The following ITGB8 variants were observed in gnomAD, a reference collection of about 807,000 sequenced individuals.
ITGB8 encodes the protein integrin beta-8.
A neutral mutation model predicts 89.5 loss-of-function variants in ITGB8; 30 were observed. The observed-to-expected ratio is 0.34, with a 90% CI of 0.25 to 0.45. The LOEUF is 0.45. Among genes scored for constraint, ITGB8 ranks in the 20% least tolerant of loss-of-function variants. The probability of loss-of-function intolerance (pLI) is 1.00; values close to 1 mark genes in which losing one functional copy is unlikely to be tolerated. For missense variants in ITGB8, 836 were observed against 933.3 expected, an observed-to-expected ratio of 0.90 and a Z score of 1.36; for synonymous variants, 335 against 320.4, an observed-to-expected ratio of 1.05 and a Z score of -0.49.
At chr7:20,384,885 A>G (rs1786541920) in intron 6 of ITGB8, among the ~76,000 whole-genome samples, 1 of 152,184 alleles carries the variant, frequency 6.6e-6, no homozygotes, top group Non-Finnish European at 1.5e-5. Flanking sequence ...ACACTATTGA[A>G]TAAATTACAT....
chr7:20,403,840 C>T (rs1198625658), intron 10 of ITGB8, among the ~76,000 whole-genome samples: 1 of 152,010 alleles, frequency 6.6e-6, no homozygotes, highest in Non-Finnish European at 1.5e-5. Flanking sequence ...TTCAGAATTC[C>T]TATATCATCA....
chr7:20,378,179 C>A (rs973399550), intron 3 of ITGB8, among the ~76,000 whole-genome samples: 4 of 152,174 alleles, frequency 2.6e-5, no homozygotes, highest in Non-Finnish European at 4.4e-5. Flanking sequence ...AACCCAAGTC[C>A]TTGTATCAAA....
At chr7:20,364,682 T>G (rs1236126875) in intron 2 of ITGB8, 2 of 152,210 alleles carry the variant, frequency 1.3e-5, no homozygotes, top group Non-Finnish European at 2.9e-5. Flanking sequence ...TCAGAACCCG[T>G]GAAGCCAGGC....
At chr7:20,386,430 TG>T (rs1786626998) in intron 6 of ITGB8, among the ~76,000 whole-genome samples, 2 of 145,174 alleles carry the variant, frequency 1.4e-5, no homozygotes, top group African/African-American at 5.2e-5. Context: ...TTTTTTTTTT[TG>T]GATTTTTTAG....
chr7:20,398,145 A>G (rs1366498339), intron 8 of ITGB8, among the ~76,000 whole-genome samples: 2 of 152,192 alleles, frequency 1.3e-5, no homozygotes, highest in Non-Finnish European at 2.9e-5. Context: ...TATTTATTGA[A>G]TGAGTGTATA....
intron 3 of ITGB8, among the ~76,000 whole-genome samples, chr7:20,378,297 G>T (rs1347049232): frequency 6.6e-6 from 1 of 152,114 alleles, no homozygotes; most frequent in Non-Finnish European, 1.5e-5. Context: ...GCCCAAGGTG[G>T]GTGCCTCGCT....
Position 20,373,506 on chromosome 7 carries a change from T to G in ITGB8, c.389-5545T>G, listed in dbSNP as rs564077746. ...TCAAACTTGGTTCGTTTTAATAATG[T>G]GCAAAAAGAATCTTCTAATTTAGTG... is the stretch of plus-strand genomic sequence containing the variant. On this transcript the variant is annotated intron_variant, in intron 3 of 13. Transcript: ENST00000222573. Among the ~76,000 whole-genome samples the G allele has an allele frequency of 2.0e-4, 31 of 152,358 alleles. No homozygotes were observed. In the South Asian group the frequency reaches 5.6e-3, roughly 27 times the overall value.
At chr7:20,333,448 G>T (rs959512520) in intron 1 of ITGB8, among the ~76,000 whole-genome samples, 4 of 152,148 alleles carry the variant, frequency 2.6e-5, no homozygotes, top group Admixed American at 2.6e-4. Flanking sequence ...TGCTTTTCTA[G>T]ATTTAGTAAA....
At chr7:20,339,401 G>A (rs1011532140) in intron 1 of ITGB8, among the ~76,000 whole-genome samples, 15 of 151,904 alleles carry the variant, frequency 9.9e-5, no homozygotes, top group South Asian at 4.2e-4. Context: ...TTCCTCTTTC[G>A]CAGTAAGTAA....
chr7:20,335,146 T>C (rs1386692982), intron 1 of ITGB8, among the ~76,000 whole-genome samples: 1 of 152,196 alleles, frequency 6.6e-6, no homozygotes, highest in East Asian at 1.9e-4. Context: ...TATTTTAAAA[T>C]ATTTCAGTAA....
Position 20,380,647 on chromosome 7 carries a change from T to G in ITGB8, c.636-19T>G, listed in dbSNP as rs17142761. ...AAGAAGAGCAAAATAAACTTTACACTTCTTCTTTTCCCACACAGTGACTAC... is the reference window on the plus strand; with the variant it reads ...AAGAAGAGCAAAATAAACTTTACACGTCTTCTTTTCCCACACAGTGACTAC... On this transcript the variant is annotated intron_variant, in intron 4 of 13. Transcript: ENST00000222573. 1 of 1,604,358 alleles carries G rather than the reference T, an allele frequency of 6.2e-7. No homozygotes were observed. The highest frequency in any genetic ancestry group is 1.3e-5 in the African/African-American group (1 of 74,654).
chr7:20,339,231 C>T (rs908243945), intron 1 of ITGB8, among the ~76,000 whole-genome samples: 1 of 149,300 alleles, frequency 6.7e-6, no homozygotes, highest in Non-Finnish European at 1.5e-5. Context: ...GAACATTTTA[C>T]TGACATGAAT....
At chr7:20,358,595 G>T (rs552255953) in intron 1 of ITGB8, among the ~76,000 whole-genome samples, 11 of 152,098 alleles carry the variant, frequency 7.2e-5, no homozygotes, top group Admixed American at 2.6e-4. Context: ...TAGAGACAGG[G>T]TTTCACCATA....
chr7:20,353,652 G>A (rs1228048595), intron 1 of ITGB8, among the ~76,000 whole-genome samples: 1 of 147,188 alleles, frequency 6.8e-6, no homozygotes, highest in Non-Finnish European at 1.5e-5. Flanking sequence ...AACGGTAATC[G>A]GCCGGGCGCG....
At chr7:20,336,789 G>C (rs1784592978) in intron 1 of ITGB8, among the ~76,000 whole-genome samples, 1 of 152,158 alleles carries the variant, frequency 6.6e-6, no homozygotes, top group South Asian at 2.1e-4. Flanking sequence ...GAAGCTGCCT[G>C]TATTTTTGTG....
At chr7:20,337,992 C>G (rs1562648813) in intron 1 of ITGB8, among the ~76,000 whole-genome samples, 1 of 152,194 alleles carries the variant, frequency 6.6e-6, no homozygotes, top group African/African-American at 2.4e-5. Context: ...CTTGGACATG[C>G]AAGCTGAAGT....
chr7:20,376,517 G>C (rs1372258131), intron 3 of ITGB8, among the ~76,000 whole-genome samples: 1 of 152,136 alleles, frequency 6.6e-6, no homozygotes, highest in Non-Finnish European at 1.5e-5. Flanking sequence ...TCTTACTGTG[G>C]AATACTGATG....
intron 1 of ITGB8, among the ~76,000 whole-genome samples, chr7:20,347,636 G>A (rs148455936): frequency 6.6e-6 from 1 of 152,336 alleles, no homozygotes; most frequent in Non-Finnish European, 1.5e-5. Context: ...CATCATTCAA[G>A]TCAGGAAGAG....
intron 3 of ITGB8, among the ~76,000 whole-genome samples, chr7:20,378,107 T>G (rs1786227859): frequency 6.6e-6 from 1 of 152,240 alleles, no homozygotes. Context: ...AATAGATGCC[T>G]TTTCACCATA....
Sources: allele counts gnomAD v4.1 joint callset (sites outside exome capture counted in the v4.1 genomes callset), GRCh38; gene constraint gnomAD v4.1.1; transcripts MANE v1.5; gene names NCBI Gene and HGNC (gene_info 2026-07-23, HGNC 2026-07-21).